Variants in ARHGAP6 observed in about 807,000 individuals in gnomAD.
ARHGAP6 encodes the protein rho GTPase-activating protein 6.
In ARHGAP6, 16 loss-of-function variants were observed where a neutral mutation model predicts 55.7. The ratio of observed to expected loss-of-function variants is 0.29; its 90% CI spans 0.19 to 0.44. ARHGAP6 has a LOEUF of 0.44. Among genes scored for constraint, ARHGAP6 ranks in the 20% least tolerant of loss-of-function variants. The pLI, the probability that ARHGAP6 is intolerant of heterozygous loss-of-function variation, is 1.00. For missense variants in ARHGAP6, 698 were observed against 808.9 expected (o/e 0.86, Z 1.66); for synonymous variants, 382 against 360.9 (o/e 1.06, Z -0.66).
intron 3 of ARHGAP6, among the ~76,000 whole-genome samples, chrX:11,196,574 T>C (rs1234821814): frequency 1.8e-5 from 2 of 111,829 alleles, no homozygotes; most frequent in Non-Finnish European, 3.8e-5. Context: ...CTCATTAAAC[T>C]AACCCTGCCT....
At chrX:11,426,359 ATTT>A (rs35111887) in intron 1 of ARHGAP6, among the ~76,000 whole-genome samples, 1 of 103,072 alleles carries the variant, frequency 9.7e-6, no homozygotes, top group Non-Finnish European at 2.0e-5. Context: ...CAAAAAAACA[ATTT>A]TTTTTTTTTT....
intron 1 of ARHGAP6, among the ~76,000 whole-genome samples, chrX:11,412,037 A>T (rs1181330034): frequency 1.8e-5 from 2 of 111,528 alleles, no homozygotes; most frequent in Non-Finnish European, 3.8e-5. Context: ...TCACACACAG[A>T]TAGAAAAAGA....
chrX:11,544,995 C>G (rs138385460), intron 1 of ARHGAP6, among the ~76,000 whole-genome samples: 1 of 112,194 alleles, frequency 8.9e-6, no homozygotes, highest in African/African-American at 3.2e-5. Flanking sequence ...TTATGTTTAA[C>G]GTTCAGCTGG....
At chrX:11,169,410 C>T (rs2046058104) in intron 9 of ARHGAP6, 95 bp downstream of exon 9, 1 of 881,638 alleles carries the variant, frequency 1.1e-6, no homozygotes, top group Admixed American at 3.5e-5. Context: ...AGCAGCACTG[C>T]ACCCCAGAGG....
At chrX:11,624,234 T>A (rs2052267334) in intron 1 of ARHGAP6, among the ~76,000 whole-genome samples, 1 of 112,222 alleles carries the variant, frequency 8.9e-6, no homozygotes, top group Non-Finnish European at 1.9e-5. Flanking sequence ...CAAAATGAAT[T>A]AAAGACTTAA....
chrX:11,271,797 G>C (rs1184161423), intron 1 of ARHGAP6, among the ~76,000 whole-genome samples: 1 of 111,696 alleles, frequency 9.0e-6, no homozygotes, highest in Non-Finnish European at 1.9e-5. Context: ...AAATCTTGTA[G>C]AGTAAATGAG....
At chrX:11,652,795 G>GCATAGACTGGGGGTGT (rs2052599391) in intron 1 of ARHGAP6, among the ~76,000 whole-genome samples, 1 of 111,661 alleles carries the variant, frequency 9.0e-6, no homozygotes, top group Admixed American at 9.5e-5. Flanking sequence ...TGATAGCTAG[G>GCATAGACTGGGGGTGT]CATAGACTGG....
At chrX:11,241,571 T>TGTGCGCGC (rs1555975318) in intron 2 of ARHGAP6, among the ~76,000 whole-genome samples, 1 of 101,963 alleles carries the variant, frequency 9.8e-6, no homozygotes, top group Non-Finnish European at 2.0e-5. Flanking sequence ...TGTGTGTGTG[T>TGTGCGCGC]GTGCGCGTGT....
Position 11,540,031 on chromosome X carries a change from G to A in ARHGAP6, c.588+124210C>T, listed in dbSNP as rs755017651. On this transcript the variant is annotated intron_variant, in intron 1 of 12. Coordinates refer to ENST00000337414, the MANE Select transcript of ARHGAP6 (RefSeq NM_013427.3). ...AGCACTTAGGGAGGCCGAGGTAGGCGGATCATGAGGTCAGGAGTTCAAGAC... is the reference window on the plus strand; with the variant it reads ...AGCACTTAGGGAGGCCGAGGTAGGCAGATCATGAGGTCAGGAGTTCAAGAC... Among the ~76,000 whole-genome samples the A allele has an allele frequency of 5.4e-5, 6 of 110,236 alleles. No individual in the cohort carries two copies. In the South Asian group the frequency reaches 1.2e-3, roughly 22 times the overall value.
chrX:11,150,201 T>TA (rs1426591813), intron 10 of ARHGAP6, among the ~76,000 whole-genome samples: 3 of 111,789 alleles, frequency 2.7e-5, no homozygotes, highest in Non-Finnish European at 5.6e-5. Context: ...AATCTTTATA[T>TA]GTTTCCTCAA....
chrX:11,556,193 C>T (rs1489771204), intron 1 of ARHGAP6, among the ~76,000 whole-genome samples: 1 of 111,902 alleles, frequency 8.9e-6, no homozygotes, highest in Non-Finnish European at 1.9e-5. Flanking sequence ...TTGTTATCAT[C>T]ATCATCACCA....
intron 1 of ARHGAP6, among the ~76,000 whole-genome samples, chrX:11,624,482 G>T (rs1179902769): frequency 2.7e-5 from 3 of 113,086 alleles, no homozygotes; most frequent in African/African-American, 9.6e-5. Flanking sequence ...TTCATCTGAC[G>T]TTAACAACCT....
intron 1 of ARHGAP6, among the ~76,000 whole-genome samples, chrX:11,345,202 T>C (rs2147659664): frequency 8.9e-6 from 1 of 111,906 alleles, no homozygotes; most frequent in South Asian, 3.8e-4. Flanking sequence ...GATCAAATCG[T>C]TCATACTATG....
intron 1 of ARHGAP6, among the ~76,000 whole-genome samples, chrX:11,395,005 C>T (rs1356423278): frequency 8.9e-6 from 1 of 112,145 alleles, no homozygotes; most frequent in Non-Finnish European, 1.9e-5. Flanking sequence ...TGCGACCACA[C>T]AGGTAGGATA....
chrX:11,238,462 G>A (rs930936042), intron 2 of ARHGAP6, among the ~76,000 whole-genome samples: 3 of 111,986 alleles, frequency 2.7e-5, no homozygotes, highest in Non-Finnish European at 5.6e-5. Context: ...TGTATGAATG[G>A]ATGTTTAGCA....
intron 1 of ARHGAP6, among the ~76,000 whole-genome samples, chrX:11,487,225 C>T (rs1248456325): frequency 2.7e-5 from 3 of 112,126 alleles, no homozygotes; most frequent in East Asian, 5.6e-4. Flanking sequence ...CCCTGGATCT[C>T]TCCACTGAGA....
chrX:11,660,028 C>G (rs980073736), intron 1 of ARHGAP6, among the ~76,000 whole-genome samples: 3 of 111,953 alleles, frequency 2.7e-5, no homozygotes, highest in African/African-American at 6.5e-5. Flanking sequence ...AATCACTGCT[C>G]TACACAAGTC....
At chrX:11,367,749 G>A in intron 1 of ARHGAP6, 1 of 746,966 alleles carries the variant, frequency 1.3e-6, no homozygotes, top group Non-Finnish European at 1.6e-6. Flanking sequence ...CACCCAGGAA[G>A]TTTGAGAGAC....
At chrX:11,272,349 T>A (rs2054769139) in intron 1 of ARHGAP6, among the ~76,000 whole-genome samples, 1 of 110,962 alleles carries the variant, frequency 9.0e-6, no homozygotes, top group Admixed American at 9.6e-5. Context: ...GCAGTCCAGG[T>A]TGAGAACCAT....
Sources: gnomAD v4.1 joint callset for allele counts (sites outside exome capture counted in the v4.1 genomes callset) on GRCh38, gnomAD v4.1.1 for gene constraint, MANE v1.5 for transcripts, NCBI Gene and HGNC (gene_info 2026-07-23, HGNC 2026-07-21) for gene names.